Variants in PLPPR1 observed in about 807,000 individuals in gnomAD.
PLPPR1 encodes phospholipid phosphatase-related protein type 1.
In PLPPR1, 10 loss-of-function variants were observed where a neutral mutation model predicts 33.1. That is an observed-to-expected ratio of 0.30 (90% CI 0.19 to 0.51). The LOEUF (loss-of-function observed/expected upper bound fraction) is 0.51, where lower values mean the gene tolerates loss of function less well. Among genes scored for constraint, PLPPR1 ranks in the 20% least tolerant of loss-of-function variants. The pLI is 0.97. For missense variants in PLPPR1, 304 were observed against 408.1 expected (o/e 0.74, Z 2.20); for synonymous variants, 151 against 151.0 (o/e 1.00, Z 0.00).
intron 1 of PLPPR1, among the ~76,000 whole-genome samples, chr9:101,104,497 C>A (rs1357594795): frequency 2.5e-5 from 3 of 122,094 alleles, no homozygotes; most frequent in African/African-American, 1.1e-4. Context: ...AGGGATGAAG[C>A]CCACTTGATC....
intron 1 of PLPPR1, among the ~76,000 whole-genome samples, chr9:101,094,349 T>C (rs1830787830): frequency 6.6e-6 from 1 of 152,188 alleles, no homozygotes; most frequent in South Asian, 2.1e-4. Context: ...GCCTTTGCAG[T>C]TGCTAGTGTT....
intron 1 of PLPPR1, among the ~76,000 whole-genome samples, chr9:101,095,379 C>T (rs1469631699): frequency 6.6e-6 from 1 of 152,156 alleles, no homozygotes; most frequent in Non-Finnish European, 1.5e-5. Context: ...GTCCTTACTA[C>T]TCCTTGGAGG....
intron 1 of PLPPR1, among the ~76,000 whole-genome samples, chr9:101,167,182 GTCTT>G (rs1289763966): frequency 1.5e-5 from 1 of 67,722 alleles, no homozygotes; most frequent in East Asian, 3.7e-4. Context: ...GTGTGTGTGT[GTCTT>G]TCTCTCTCTC....
At chr9:101,090,697 G>A (rs1830730722) in intron 1 of PLPPR1, among the ~76,000 whole-genome samples, 1 of 151,318 alleles carries the variant, frequency 6.6e-6, no homozygotes, top group Non-Finnish European at 1.5e-5. Context: ...CAGCCTGGAC[G>A]ACAGAGCAAG....
At chr9:101,226,749 G>A (rs1272704116) in intron 2 of PLPPR1, among the ~76,000 whole-genome samples, 1 of 151,664 alleles carries the variant, frequency 6.6e-6, no homozygotes, top group Non-Finnish European at 1.5e-5. Context: ...CACAGCTCTT[G>A]TGTTTTATCA....
rs1831566362 is a variant in PLPPR1 at position 101,150,348 on chromosome 9, TG to T, written c.-45-35101del. Among the ~76,000 whole-genome samples the T allele has an allele frequency of 2.0e-5, 3 of 152,318 alleles. No individual in the cohort carries two copies. The South Asian group carries it at 6.2e-4, about 32-fold the overall frequency. On this transcript the variant is annotated intron_variant, in intron 1 of 7. Coordinates refer to ENST00000374874, the MANE Select transcript of PLPPR1 (RefSeq NM_207299.2). Reference sequence around the variant, plus strand: ...GGAGGAATTCAGTTTTGTTTAATTTTGCTTGCTTTAGTTTTGTAGTTTTATG... The same window carrying T: ...GGAGGAATTCAGTTTTGTTTAATTTTCTTGCTTTAGTTTTGTAGTTTTATG...
chr9:101,166,739 ATGTT>A (rs1825863302), intron 1 of PLPPR1, among the ~76,000 whole-genome samples: 1 of 152,158 alleles, frequency 6.6e-6, no homozygotes. Flanking sequence ...TCATTAATAA[ATGTT>A]TGTCAAGGAG....
chr9:101,095,461 C>T (rs987773317), intron 1 of PLPPR1, among the ~76,000 whole-genome samples: 1 of 152,126 alleles, frequency 6.6e-6, no homozygotes, highest in African/African-American at 2.4e-5. Flanking sequence ...GGCTGCCAGT[C>T]CAAACCTTAC....
At position 101,211,897 on chromosome 9, in the gene PLPPR1, T is replaced by C. The variant is rs181467041; in HGVS notation, c.63+26340T>C. ...TAACAAGCCTATGAAATGGATATTA[T>C]TACCACCTCCACTTTACATACAAGG... is the stretch of plus-strand genomic sequence containing the variant. On this transcript the variant is annotated intron_variant, in intron 2 of 7. Transcript: ENST00000374874. 3.2e-4 allele frequency among the ~76,000 whole-genome samples: 48 copies of C among 152,330 alleles called. 2 individuals are homozygous for C. Among genetic ancestry groups the C allele is most frequent in the South Asian group, 3.1e-3 (15 of 4,828 alleles).
chr9:101,251,433 T>C (rs1827710580), intron 2 of PLPPR1, among the ~76,000 whole-genome samples: 1 of 152,102 alleles, frequency 6.6e-6, no homozygotes, highest in African/African-American at 2.4e-5. Context: ...GTAACTGATG[T>C]GTAAGCAAAC....
intron 2 of PLPPR1, among the ~76,000 whole-genome samples, chr9:101,238,054 G>T (rs1426003088): frequency 8.3e-6 from 1 of 120,846 alleles, no homozygotes; most frequent in African/African-American, 3.2e-5. Context: ...TATATATATA[G>T]CCTATATATA....
chr9:101,048,632 A>G (rs538925278), intron 1 of PLPPR1, among the ~76,000 whole-genome samples: 27 of 152,352 alleles, frequency 1.8e-4, no homozygotes, highest in African/African-American at 6.0e-4. Flanking sequence ...TTAATGTGAC[A>G]CTGTCTCATT....
At chr9:101,173,023 A>G (rs1825967552) in intron 1 of PLPPR1, among the ~76,000 whole-genome samples, 1 of 152,120 alleles carries the variant, frequency 6.6e-6, no homozygotes, top group African/African-American at 2.4e-5. Flanking sequence ...AGCTATTTTA[A>G]GGTTGTTAAG....
At chr9:101,154,448 G>A (rs983584258) in intron 1 of PLPPR1, among the ~76,000 whole-genome samples, 3 of 152,140 alleles carry the variant, frequency 2.0e-5, no homozygotes, top group Admixed American at 1.3e-4. Context: ...GAGGGTGTAT[G>A]TGTCGAGGAA....
chr9:101,029,654 T>C (rs553429358), intron 1 of PLPPR1, among the ~76,000 whole-genome samples: 137 of 152,094 alleles, frequency 9.0e-4, no homozygotes, highest in Non-Finnish European at 1.5e-3. Context: ...ACCTGGAAAA[T>C]TGGAGGGGCG....
chr9:101,311,384 A>G (rs1483374053), intron 5 of PLPPR1, among the ~76,000 whole-genome samples: 2 of 152,212 alleles, frequency 1.3e-5, no homozygotes, highest in Non-Finnish European at 2.9e-5. Flanking sequence ...TTACATGTCA[A>G]ATGCTTTCAG....
intron 1 of PLPPR1, among the ~76,000 whole-genome samples, chr9:101,105,978 CT>C (rs1308323100): frequency 1.4e-5 from 2 of 147,962 alleles, no homozygotes; most frequent in African/African-American, 5.1e-5. Flanking sequence ...CAACCCCTGC[CT>C]TTTTTTGTTT....
At chr9:101,134,861 G>A (rs1831359253) in intron 1 of PLPPR1, among the ~76,000 whole-genome samples, 2 of 152,152 alleles carry the variant, frequency 1.3e-5, no homozygotes, top group African/African-American at 4.8e-5. Context: ...GATAAACCTT[G>A]GGAGAATCAG....
At chr9:101,182,201 A>G (rs1008306175) in intron 1 of PLPPR1, among the ~76,000 whole-genome samples, 1 of 151,686 alleles carries the variant, frequency 6.6e-6, no homozygotes, top group Non-Finnish European at 1.5e-5. Context: ...TTGAAATCAT[A>G]GAAATAGTGA....
Sources: gnomAD v4.1 joint callset for allele counts (sites outside exome capture counted in the v4.1 genomes callset) on GRCh38, gnomAD v4.1.1 for gene constraint, MANE v1.5 for transcripts, NCBI Gene and HGNC (gene_info 2026-07-23, HGNC 2026-07-21) for gene names.